The following DHX34 variants were observed in gnomAD, a reference collection of about 807,000 sequenced individuals.
The protein encoded by DHX34 is DExH-box helicase 34.
Under a neutral mutation model 111.1 loss-of-function variants are expected in DHX34, and 96 were observed. The observed-to-expected ratio is 0.86, with a 90% CI of 0.73 to 1.02. DHX34 has a LOEUF of 1.02. Ranked by LOEUF, DHX34 falls within the 50% of genes least tolerant of loss-of-function variation. The pLI, the probability that DHX34 is intolerant of heterozygous loss-of-function variation, is 0.00. For synonymous variants in DHX34, 688 were observed against 670.4 expected, an observed-to-expected ratio of 1.03 and a Z score of -0.41; for missense variants, 1,560 against 1,579.9, an observed-to-expected ratio of 0.99 and a Z score of 0.21.
chr19:47,358,336 C>G (rs192760121), intron 4 of DHX34, among the ~76,000 whole-genome samples: 1 of 152,172 alleles, frequency 6.6e-6, no homozygotes, highest in South Asian at 2.1e-4. Context: ...TATAAAGGGT[C>G]GGAGTAGATG....
intron 7 of DHX34, among the ~76,000 whole-genome samples, chr19:47,369,346 C>T (rs1221058313): frequency 2.6e-5 from 4 of 152,088 alleles, no homozygotes; most frequent in African/African-American, 9.7e-5. Flanking sequence ...TTCACCATGT[C>T]GGCCGTGCTG....
Position 47,379,890 on chromosome 19 carries a change from C to A in DHX34, c.2887C>A (p.Gln963Lys), listed in dbSNP as rs750386069. ...GGACCGGCAGCTGGCGCACCAGGCCCAGCAGCAGCTGGAGGAGGAGGAGGA... is the reference window on the plus strand; with the variant it reads ...GGACCGGCAGCTGGCGCACCAGGCCAAGCAGCAGCTGGAGGAGGAGGAGGA... ...ALDRQLAHQA[Q>K]QQLEEEEEDT... Residue 963 changes from glutamine (Q) to lysine (K), a missense_variant, in exon 14 of 17, where the codon CAG (glutamine) becomes AAG (lysine). By Grantham distance (53) the Gln-to-Lys change is moderately conservative. Transcript: ENST00000328771. 1 of 1,613,372 alleles carries A rather than the reference C, an allele frequency of 6.2e-7. No homozygotes were observed. Among genetic ancestry groups the A allele is most frequent in the Non-Finnish European group, 8.5e-7 (1 of 1,179,572 alleles).
At chr19:47,381,489 G>A (rs1220425677) in intron 16 of DHX34, 165 bp downstream of exon 16, 2 of 1,050,818 alleles carry the variant, frequency 1.9e-6, no homozygotes, top group Non-Finnish European at 2.7e-6. Context: ...AAGATCAGGA[G>A]CCCAAGGCAG....
intron 3 of DHX34, 104 bp from the exon 4 acceptor site, chr19:47,357,762 C>T (rs989963325): frequency 2.0e-6 from 3 of 1,473,934 alleles, no homozygotes; most frequent in East Asian, 2.5e-5. Context: ...ACTGTGTCTT[C>T]TCCGTTAGCC....
Position 47,367,172 on chromosome 19 carries a change from C to G in DHX34, c.1768+17C>G, listed in dbSNP as rs748496992. On this transcript the variant is annotated intron_variant, in intron 7 of 16. Coordinates refer to ENST00000328771, the MANE Select transcript of DHX34 (RefSeq NM_014681.6). ...TTGTGATTGGTGAGTACCCACCCCC[C>G]TCCTGATCACTCAGGGCCCCAGGAG... The G allele has an allele frequency of 2.7e-6, 4 of 1,460,360 alleles. No homozygotes were observed. Among genetic ancestry groups the G allele is most frequent in the Middle Eastern group, 2.0e-4 (1 of 4,948 alleles). The allele number at this position is 1,460,360 out of a possible 1,614,324, so 90.5% of individuals were successfully genotyped here. A position where few individuals can be genotyped will look rare whatever the true frequency, so the allele number is the denominator to read the frequency against.
rs1969575734 is a variant in DHX34 at position 47,359,976 on chromosome 19, T to C, written c.1281T>C (p.Asp427=). The C allele has an allele frequency of 3.7e-6, 6 of 1,613,946 alleles. No individual in the cohort carries two copies. Among genetic ancestry groups the C allele is most frequent in the Non-Finnish European group, 5.1e-6 (6 of 1,179,990 alleles). The part of the protein sequence containing the change: ...LSVADQDKVF[D]VAPPGVRKCI... ...CCCTCCCTTCCTCCCAGGTATTTGA[T>C]GTGGCACCCCCTGGAGTCCGGAAAT... is the stretch of plus-strand genomic sequence containing the variant. Residue 427 remains aspartate (D), a synonymous_variant, in exon 5 of 17, where the codon GAT becomes GAC. Transcript: ENST00000328771.
intron 6 of DHX34, 66 bp downstream of exon 6, chr19:47,362,759 TTTTTATTTTA>T (rs368173613): frequency 3.6e-5 from 50 of 1,373,186 alleles, no homozygotes; most frequent in Middle Eastern, 2.7e-4. Context: ...TGGGAGGCCT[TTTTTATTTTA>T]TTTTATTTTA....
rs146759922 is a variant in DHX34, at chr19:47,361,650, G to A, written c.1376-826G>A. On this transcript the variant is annotated intron_variant, in intron 5 of 16. Transcript: ENST00000328771. ...AAAAATGACCCGGGCATGGTGGCGG[G>A]TTCCTGTAATCCCAGCTACTCAGGA... is the stretch of plus-strand genomic sequence containing the variant. 7.3e-3 allele frequency among the ~76,000 whole-genome samples: 1,103 copies of A among 151,966 alleles called. 16 individuals carry two copies. The highest frequency in any genetic ancestry group is 0.026 in the African/African-American group (1,059 of 41,444).
At chr19:47,355,515 A>G (rs1969431621) in intron 3 of DHX34, among the ~76,000 whole-genome samples, 165 bp downstream of exon 3, 1 of 152,160 alleles carries the variant, frequency 6.6e-6, no homozygotes. Flanking sequence ...TCAGCTGGTT[A>G]GAGTGCTAAG....
chr19:47,375,761 T>G, intron 10 of DHX34, 53 bp downstream of exon 10: 3 of 1,554,712 alleles, frequency 1.9e-6, no homozygotes, highest in Non-Finnish European at 2.6e-6. Context: ...GGCCTTGGCC[T>G]CTCCTGGGGG....
Position 47,373,613 on chromosome 19 carries a change from G to A in DHX34, c.1977G>A (p.Arg659=). 1.2e-6 allele frequency: 2 copies of A among 1,613,814 alleles called. No homozygotes were observed. The highest frequency in any genetic ancestry group is 1.7e-6 in the Non-Finnish European group (2 of 1,179,950). The part of the protein sequence containing the change: ...FNAWVQVKSE[R]SRNSRKWCRR... ...CCTCCACCCAGGTGAAATCTGAACG[G>A]AGCAGAAACTCTCGCAAGTGGTGCC... Residue 659 remains arginine (R), a synonymous_variant, in exon 9 of 17, where the codon CGG becomes CGA. Coordinates refer to ENST00000328771, the MANE Select transcript of DHX34 (RefSeq NM_014681.6).
Position 47,353,761 on chromosome 19 carries a change from A to T in DHX34, c.705+26A>T. 1 of 1,514,652 alleles carries T rather than the reference A, an allele frequency of 6.6e-7. No homozygotes were observed. The highest frequency in any genetic ancestry group is 1.4e-5 in the African/African-American group (1 of 72,596). The allele number at this position is 1,514,652 out of a possible 1,614,324, so 93.8% of individuals were successfully genotyped here. A position where few individuals can be genotyped will look rare whatever the true frequency, so the allele number is the denominator to read the frequency against. Reference sequence around the variant, plus strand: ...GTGAGTGGGACGCACCAGGTTTCCGATTTTTCCAGCGTGACCTTGGGGGAA... The same window carrying T: ...GTGAGTGGGACGCACCAGGTTTCCGTTTTTTCCAGCGTGACCTTGGGGGAA... On this transcript the variant is annotated intron_variant, in intron 2 of 16. Transcript: ENST00000328771. The surrounding 1 kb of genome is among the most constrained non-coding windows in gnomAD (Gnocchi z 4.6).
rs146830596 is a variant in DHX34, at chr19:47,372,825, G to T, written c.1864G>T (p.Ala622Ser). 1.2e-6 allele frequency: 2 copies of T among 1,612,824 alleles called. No homozygotes were observed. The highest frequency in any genetic ancestry group is 1.7e-6 in the Non-Finnish European group (2 of 1,179,766). The change falls in exon 8 of 17, where the codon GCC becomes TCC. Residue 622 changes from alanine (A) to serine (S), a missense_variant. Physicochemically the swap from Ala to Ser is moderately conservative, Grantham distance 99. Transcript: ENST00000328771. ...CGTCCAGTCGCCCTTCACCCGCAGC[G>T]CCCAGAGCAGCCCAGAGTGCGCGGC... ...LSVQSPFTRS[A>S]QSSPECAAAR...
intron 7 of DHX34, among the ~76,000 whole-genome samples, chr19:47,367,936 T>G (rs1197587837): frequency 6.6e-6 from 1 of 150,878 alleles, no homozygotes; most frequent in African/African-American, 2.4e-5. Context: ...ACAGGTGAGA[T>G]TCATTTTGAT....
rs146403098 is a variant in DHX34 at position 47,381,263 on chromosome 19, G to A, written c.3237G>A (p.Thr1079=). The A allele has an allele frequency of 1.5e-5, 25 of 1,613,878 alleles. No individual in the cohort carries two copies. The highest frequency in any genetic ancestry group is 1.0e-4 in the Admixed American group (6 of 59,998). ...ACTGTGGCCTGCATGCGCCCCTCAC[G>A]CCCCTGGAGCGCATCGCCCATGAGA... ...CPHCGLHAPL[T]PLERIAHENT... The change falls in exon 16 of 17, where the codon ACG becomes ACA. Residue 1079 remains threonine, a synonymous_variant. Coordinates refer to ENST00000328771, the MANE Select transcript of DHX34 (RefSeq NM_014681.6).
rs1970005941 is a variant in DHX34, at chr19:47,372,782, C to T, written c.1821C>T (p.Thr607=). 2 of 1,612,564 alleles carry T rather than the reference C, an allele frequency of 1.2e-6. No homozygotes were observed. The highest frequency in any genetic ancestry group is 1.7e-6 in the Non-Finnish European group (2 of 1,179,468). The change falls in exon 8 of 17, where the codon ACC becomes ACT. Residue 607 remains threonine, a synonymous_variant. Coordinates refer to ENST00000328771, the MANE Select transcript of DHX34 (RefSeq NM_014681.6). Reference sequence around the variant, plus strand: ...TCAGCCTGGTGGAGCCTGTGCTCACCATCGCAGCCGCACTTAGCGTCCAGT... The same window carrying T: ...TCAGCCTGGTGGAGCCTGTGCTCACTATCGCAGCCGCACTTAGCGTCCAGT... ...SMFSLVEPVL[T]IAAALSVQSP...
intron 7 of DHX34, among the ~76,000 whole-genome samples, chr19:47,371,253 G>T (rs4802349): frequency 0.24 from 36,518 of 152,076 alleles, 6,673 homozygotes; most frequent in African/African-American, 0.49. Context: ...GAGGGCTGGG[G>T]GCAGGTGCCC....
intron 11 of DHX34, 169 bp from the exon 12 acceptor site, chr19:47,376,274 G>C (rs1970153034): frequency 6.9e-7 from 1 of 1,452,562 alleles, no homozygotes; most frequent in Non-Finnish European, 9.1e-7. Context: ...GCAGGGCTTG[G>C]GGAGTCAAGA....
intron 9 of DHX34, 27 bp downstream of exon 9, chr19:47,373,727 C>T (rs369836776): frequency 2.3e-5 from 37 of 1,606,234 alleles, no homozygotes; most frequent in Non-Finnish European, 2.8e-5. Context: ...GGGGTAAGGC[C>T]GGCCCCACTC....
Sources: allele counts gnomAD v4.1 joint callset (sites outside exome capture counted in the v4.1 genomes callset), GRCh38; gene constraint gnomAD v4.1.1; non-coding constraint Gnocchi (gnomAD v3.1); transcripts MANE v1.5; gene names NCBI Gene and HGNC (gene_info 2026-07-23, HGNC 2026-07-21).